KIF21B: variants seen among roughly 807,000 people sequenced by gnomAD.
The protein encoded by KIF21B is kinesin family member 21B, also known as kinesin-like protein KIF21B.
In KIF21B, 85 loss-of-function variants were observed where a neutral mutation model predicts 192.9. The observed-to-expected ratio is 0.44, with a 90% CI of 0.37 to 0.53. The LOEUF is 0.53. KIF21B is among the 20% of genes least tolerant of loss of function. KIF21B has a pLI of 0.00. For missense variants in KIF21B, 1,716 were observed against 2,194.8 expected (o/e 0.78, Z 4.36); for synonymous variants, 832 against 884.6 (o/e 0.94, Z 1.05).
intron 1 of KIF21B, among the ~76,000 whole-genome samples, chr1:201,019,083 C>T (rs566980772): frequency 5.3e-5 from 8 of 152,212 alleles, no homozygotes; most frequent in Non-Finnish European, 2.9e-5. Flanking sequence ...TACAGGCATG[C>T]GCCACCATGT....
chr1:201,016,248 C>T (rs1317821853), intron 1 of KIF21B, among the ~76,000 whole-genome samples: 1 of 152,228 alleles, frequency 6.6e-6, no homozygotes, highest in Non-Finnish European at 1.5e-5. Flanking sequence ...AAAAACGATC[C>T]CTTCAGAGAA....
At position 200,975,409 on chromosome 1, in the gene KIF21B, G is replaced by T; in HGVS notation, c.4614+90C>A. ...GAAAACCATCTGGCCTGGGGCCCGC[G>T]AGTCCAGGTCCCAGGGTCTCCAAGG... On this transcript the variant is annotated intron_variant, in intron 33 of 34. Coordinates refer to ENST00000461742, the MANE Select transcript of KIF21B (RefSeq NM_001252102.2). The surrounding 1 kb of genome is among the most constrained non-coding windows in gnomAD (Gnocchi z 4.3). 1 of 1,226,150 alleles carries T rather than the reference G, an allele frequency of 8.2e-7. No individual in the cohort carries two copies. The highest frequency in any genetic ancestry group is 1.2e-6 in the Non-Finnish European group (1 of 865,176). 76.0% of individuals were successfully genotyped at this position (1,226,150 alleles called of 1,614,324 possible). A position where few individuals can be genotyped will look rare whatever the true frequency, so the allele number is the denominator to read the frequency against.
At chr1:201,003,454 TC>T in intron 8 of KIF21B, 131 bp downstream of exon 8, 1 of 867,044 alleles carries the variant, frequency 1.2e-6, no homozygotes, top group South Asian at 1.5e-5. Context: ...AAGAGTCATG[TC>T]CAAAGTGGAT....
At chr1:200,977,116 G>T in intron 31 of KIF21B, 96 bp downstream of exon 31, 1 of 1,437,824 alleles carries the variant, frequency 7.0e-7, no homozygotes, top group Non-Finnish European at 9.5e-7. Flanking sequence ...TGTTGCTGAG[G>T]TCCTACCCAC....
At chr1:200,986,953 A>T in intron 25 of KIF21B, 35 bp from the exon 26 acceptor site, 1 of 1,611,960 alleles carries the variant, frequency 6.2e-7, no homozygotes, top group African/African-American at 1.3e-5. Flanking sequence ...CCCAGACCCA[A>T]CTCCACCTCC....
chr1:200,972,881 G>A lies in KIF21B; in HGVS notation c.*640C>T, dbSNP rs1655293634. On this transcript the variant is annotated 3_prime_UTR_variant, in exon 35 of 35. Coordinates refer to ENST00000461742, the MANE Select transcript of KIF21B (RefSeq NM_001252102.2). ...AAAAATAACAAAATAATAAATAACT[G>A]AAGTATTTCTGACCATCTCCCCAAA... 1.3e-5 allele frequency: 2 copies of A among 152,706 alleles called. No individual in the cohort carries two copies. Among genetic ancestry groups the A allele is most frequent in the Admixed American group, 1.3e-4 (2 of 15,282 alleles). The allele number at this position is 152,706 out of a possible 1,614,324, so 9.5% of individuals were successfully genotyped here.
At chr1:200,984,819 C>A in intron 27 of KIF21B, 40 bp downstream of exon 27, 4 of 1,440,886 alleles carry the variant, frequency 2.8e-6, no homozygotes, top group Admixed American at 2.4e-5. Flanking sequence ...CCCATTGCCA[C>A]CTCAGTGCCC....
Position 200,988,526 on chromosome 1 carries a change from G to A in KIF21B, c.3317C>T (p.Thr1106Ile). 1.9e-6 allele frequency: 3 copies of A among 1,595,722 alleles called. No homozygotes were observed. The highest frequency in any genetic ancestry group is 2.6e-6 in the Non-Finnish European group (3 of 1,170,574). ...AGAGAACTCTGAGATCTCCTCATCTGTGCTGGCGTAGCCATTCTCTGTGGG... is the reference window on the plus strand; with the variant it reads ...AGAGAACTCTGAGATCTCCTCATCTATGCTGGCGTAGCCATTCTCTGTGGG... ...NVQQENGYAS[T>I]DEEISEFSEG... The change falls in exon 23 of 35, where the codon ACA becomes ATA. Residue 1106 changes from threonine to isoleucine, a missense_variant. By Grantham distance (89) the Thr-to-Ile change is moderately conservative. Around this residue, in one of 3 missense-constraint regions of KIF21B, gnomAD observed 580 missense variants for 775.5 expected, o/e 0.75. Transcript: ENST00000461742.
chr1:201,022,265 T>C (rs1449612978), intron 1 of KIF21B, among the ~76,000 whole-genome samples: 14 of 152,182 alleles, frequency 9.2e-5, no homozygotes, highest in African/African-American at 3.4e-4. Flanking sequence ...GGGTCACATA[T>C]GACCCAAGGG....
intron 15 of KIF21B, among the ~76,000 whole-genome samples, chr1:200,995,027 T>C (rs1656957503): frequency 6.6e-6 from 1 of 152,200 alleles, no homozygotes. Flanking sequence ...TTCTCCACTC[T>C]AGTCAGGTTG....
At chr1:200,985,081 C>G in intron 26 of KIF21B, 109 bp from the exon 27 acceptor site, 1 of 648,392 alleles carries the variant, frequency 1.5e-6, no homozygotes, top group Non-Finnish European at 2.6e-6. Flanking sequence ...AGGACAGGGT[C>G]TGCTGTGCAG....
rs1657715377 is a variant in KIF21B, at chr1:201,004,937, C to T, written c.733-4G>A. ...GCCCAGTCACCGCCTCATTCACCTGCAGCAGAAGTCAGCTCTGACTCACCC... is the reference window on the plus strand; with the variant it reads ...GCCCAGTCACCGCCTCATTCACCTGTAGCAGAAGTCAGCTCTGACTCACCC... On this transcript the variant is annotated splice_polypyrimidine_tract_variant and splice_region_variant and intron_variant, in intron 5 of 34. Coordinates refer to ENST00000461742, the MANE Select transcript of KIF21B (RefSeq NM_001252102.2). The T allele has an allele frequency of 6.2e-7, 1 of 1,602,750 alleles. No individual in the cohort carries two copies. Among genetic ancestry groups the T allele is most frequent in the Non-Finnish European group, 8.5e-7 (1 of 1,171,474 alleles).
chr1:200,973,338 G>C lies in KIF21B; in HGVS notation c.*183C>G. 1.6e-6 allele frequency: 1 copy of C among 638,998 alleles called. No individual in the cohort carries two copies. Among genetic ancestry groups the C allele is most frequent in the Non-Finnish European group, 2.3e-6 (1 of 425,818 alleles). 39.6% of individuals were successfully genotyped at this position (638,998 alleles called of 1,614,324 possible). A position where few individuals can be genotyped will look rare whatever the true frequency, so the allele number is the denominator to read the frequency against. ...TCTCTCACCCAGAGGCTCCTGAGAG[G>C]CAGGGGAGGGATGAGGGAACAGTGT... On this transcript the variant is annotated 3_prime_UTR_variant, in exon 35 of 35. Transcript: ENST00000461742.
intron 27 of KIF21B, among the ~76,000 whole-genome samples, chr1:200,984,371 G>A (rs1255713120): frequency 1.3e-5 from 2 of 152,218 alleles, no homozygotes; most frequent in Non-Finnish European, 2.9e-5. Context: ...CACACCATTA[G>A]GCAGTAGAGT....
At chr1:200,985,042 G>A (rs1418383076) in intron 26 of KIF21B, 70 bp from the exon 27 acceptor site, 3 of 1,129,792 alleles carry the variant, frequency 2.7e-6, no homozygotes, top group Admixed American at 5.0e-5. Flanking sequence ...TTGGTGCTGG[G>A]CTTCCACCTT....
At chr1:200,986,471 C>A (rs931078613) in intron 26 of KIF21B, among the ~76,000 whole-genome samples, 3 of 151,908 alleles carry the variant, frequency 2.0e-5, no homozygotes, top group Non-Finnish European at 4.4e-5. Context: ...CATTCTAATG[C>A]CTCAGCCTCC....
At chr1:200,988,386 G>T (rs369968230) in intron 23 of KIF21B, 33 bp from the exon 24 acceptor site, 13 of 1,613,506 alleles carry the variant, frequency 8.1e-6, no homozygotes, top group Non-Finnish European at 1.0e-5. Context: ...TCAGGATCCT[G>T]AGGAGCCCCC....
chr1:200,983,961 C>A (rs564850814), intron 27 of KIF21B, among the ~76,000 whole-genome samples: 1 of 152,284 alleles, frequency 6.6e-6, no homozygotes, highest in East Asian at 1.9e-4. Flanking sequence ...CAAGTATTTT[C>A]TAGTGTGAGA....
rs1237426941 is a variant in KIF21B, at chr1:201,000,483, G to A, written c.1592C>T (p.Ala531Val). The change falls in exon 11 of 35, where the codon GCC becomes GTC. Residue 531 changes from alanine to valine, a missense_variant. Ala to Val is a moderately conservative substitution (Grantham distance 64). Transcript: ENST00000461742. This position sits in a 1 kb window ranked among gnomAD's most constrained non-coding sequence, Gnocchi z 6.0. ...PAAPAFGGSP[A>V]SSMEDASEVI... ...CTCCGAGGCATCCTCCATGGAGCTG[G>A]CAGGGCTGCCCCCGAAGGCCGGGGC... 1 of 1,606,954 alleles carries A rather than the reference G, an allele frequency of 6.2e-7. No individual in the cohort carries two copies. Among genetic ancestry groups the A allele is most frequent in the Non-Finnish European group, 8.5e-7 (1 of 1,176,008 alleles).
Sources: gnomAD v4.1 joint callset for allele counts (sites outside exome capture counted in the v4.1 genomes callset) on GRCh38, gnomAD v4.1.1 for gene constraint, gnomAD v4.1.1 regional missense constraint, Gnocchi (gnomAD v3.1) non-coding constraint, MANE v1.5 for transcripts, NCBI Gene and HGNC (gene_info 2026-07-23, HGNC 2026-07-21) for gene names.